The following MYO18B variants were observed in gnomAD, a reference collection of about 807,000 sequenced individuals.
MYO18B encodes unconventional myosin-XVIIIb.
MYO18B carries 204 observed loss-of-function variants against 273.0 expected under a neutral mutation model. That is an observed-to-expected ratio of 0.75 (90% CI 0.67 to 0.84). MYO18B has a LOEUF of 0.84. Among genes scored for constraint, MYO18B ranks in the 40% least tolerant of loss-of-function variants. The probability of loss-of-function intolerance (pLI) is 0.00; values close to 1 mark genes in which losing one functional copy is unlikely to be tolerated. For synonymous variants in MYO18B, 1,330 were observed against 1,305.7 expected (o/e 1.02, Z -0.40); for missense variants, 3,212 against 3,287.6 (o/e 0.98, Z 0.56).
At chr22:26,032,614 CG>C (rs1569316292), downstream of MYO18B, among the ~76,000 whole-genome samples, 11 of 151,182 alleles carry the variant, frequency 7.3e-5, no homozygotes. Flanking sequence ...CTCTGCCTCC[CG>C]GGTTCAAGCA....
chr22:25,789,170 G>A lies in MYO18B; in HGVS notation c.2376+3679G>A, dbSNP rs1340257457. 3.4e-5 allele frequency among the ~76,000 whole-genome samples: 5 copies of A among 147,796 alleles called. No individual in the cohort carries two copies. The East Asian group carries it at 1.0e-3, about 30-fold the overall frequency. Reference sequence around the variant, plus strand: ...TCCATCATCAAGGATGGCAGCATTGGGCAAGTTGGGAGGGCTTAGCCTGCT... The same window carrying A: ...TCCATCATCAAGGATGGCAGCATTGAGCAAGTTGGGAGGGCTTAGCCTGCT... On this transcript the variant is annotated intron_variant, in intron 11 of 43. Coordinates refer to ENST00000335473, the MANE Select transcript of MYO18B (RefSeq NM_032608.7).
chr22:25,931,375 G>A (rs755255937), intron 34 of MYO18B, among the ~76,000 whole-genome samples: 2 of 152,214 alleles, frequency 1.3e-5, no homozygotes, highest in Non-Finnish European at 2.9e-5. Flanking sequence ...TCATGGAGGG[G>A]CCTGTCAAGG....
intron 31 of MYO18B, among the ~76,000 whole-genome samples, chr22:25,907,906 T>C (rs1008836199): frequency 6.6e-6 from 1 of 151,934 alleles, no homozygotes; most frequent in Non-Finnish European, 1.5e-5. Flanking sequence ...TGGTGGCACA[T>C]GCCTGTAATC....
the MYO18B span, among the ~76,000 whole-genome samples, chr22:26,051,773 A>T: frequency 6.6e-6 from 1 of 152,158 alleles, no homozygotes; most frequent in South Asian, 2.1e-4. Context: ...AAAATGCACA[A>T]TTTTTTAAAG....
chr22:25,995,563 T>C (rs1313877259), intron 40 of MYO18B, among the ~76,000 whole-genome samples: 2 of 151,888 alleles, frequency 1.3e-5, no homozygotes, highest in Admixed American at 6.6e-5. Flanking sequence ...AAAAACATTA[T>C]AAAATGAAAA....
chr22:25,921,227 T>A, intron 33 of MYO18B, 30 bp from the exon 34 acceptor site: 1 of 1,536,722 alleles, frequency 6.5e-7, no homozygotes, highest in Non-Finnish European at 8.8e-7. Context: ...CTTTGCCACC[T>A]AAGCTCATGG....
intron 27 of MYO18B, among the ~76,000 whole-genome samples, chr22:25,891,939 G>A (rs2091673297): frequency 6.6e-6 from 1 of 152,118 alleles, no homozygotes; most frequent in Non-Finnish European, 1.5e-5. Flanking sequence ...GAGGTAGGAG[G>A]ATCACTTAAG....
At chr22:26,061,946 A>G in the MYO18B span, among the ~76,000 whole-genome samples, 6 of 152,208 alleles carry the variant, frequency 3.9e-5, no homozygotes, top group African/African-American at 1.4e-4. Flanking sequence ...AAACAAATTA[A>G]AAGAGGTCTC....
At chr22:25,988,236 G>C (rs1409636677) in intron 39 of MYO18B, among the ~76,000 whole-genome samples, 1 of 151,976 alleles carries the variant, frequency 6.6e-6, no homozygotes, top group African/African-American at 2.4e-5. Flanking sequence ...TTGGGGCACT[G>C]CGTTTGTTTA....
At chr22:25,889,555 CTT>C (rs11399837) in intron 25 of MYO18B, among the ~76,000 whole-genome samples, 8 of 145,846 alleles carry the variant, frequency 5.5e-5, no homozygotes, top group Admixed American at 6.8e-5. Flanking sequence ...CTACCTCTTT[CTT>C]TTTTTTTTTT....
rs766858803 is a variant in MYO18B at position 25,828,957 on chromosome 22, C to T, written c.2968C>T (p.Arg990Ter). ...GCGGACCTTTGTCTCCACGCTACAG[C>T]GATATCAAGAGGTATGCCTGGGCTG... ...YQRTFVSTLQ[R>*]YQEEGVPVQF... The change falls in exon 15 of 44, where the codon CGA becomes TGA. Residue 990 changes from arginine (R) to a stop codon, truncating the protein, a stop_gained. Transcript: ENST00000335473. LOFTEE classifies it high-confidence loss of function. 19 of 1,613,750 alleles carry T rather than the reference C, an allele frequency of 1.2e-5. No individual in the cohort carries two copies. Among genetic ancestry groups the T allele is most frequent in the South Asian group, 4.4e-5 (4 of 91,054 alleles).
chr22:25,845,256 C>T (rs754251279), intron 18 of MYO18B, among the ~76,000 whole-genome samples: 2 of 152,196 alleles, frequency 1.3e-5, no homozygotes, highest in African/African-American at 4.8e-5. Flanking sequence ...CGGTGGCTCA[C>T]GCCTGTAATC....
chr22:25,822,211 G>T (rs1163079704), intron 12 of MYO18B, among the ~76,000 whole-genome samples: 1 of 152,114 alleles, frequency 6.6e-6, no homozygotes, highest in Non-Finnish European at 1.5e-5. Context: ...CAGGGCCTTT[G>T]CACTGCCTCC....
intron 1 of MYO18B, among the ~76,000 whole-genome samples, chr22:25,751,825 A>G (rs986048200): frequency 6.6e-6 from 1 of 152,138 alleles, no homozygotes; most frequent in Non-Finnish European, 1.5e-5. Flanking sequence ...TGTTCTGTGA[A>G]TTGTCTTGTG....
the MYO18B span, among the ~76,000 whole-genome samples, chr22:26,059,403 G>A: frequency 6.6e-6 from 1 of 152,144 alleles, no homozygotes; most frequent in South Asian, 2.1e-4. Flanking sequence ...TGGGAAAAGA[G>A]GAATTATGCA....
rs1032054182 is a variant in MYO18B, at chr22:25,932,598, C to T, written c.5517+11189C>T. Among the ~76,000 whole-genome samples the T allele has an allele frequency of 9.2e-5, 14 of 151,766 alleles. No homozygotes were observed. In the East Asian group the frequency reaches 9.7e-4, roughly 10 times the overall value. Reference sequence around the variant, plus strand: ...TAATTTTTTGTATTTTTAGTAGAGACGGGATTTCTCCACGTTGGTCAGGCT... The same window carrying T: ...TAATTTTTTGTATTTTTAGTAGAGATGGGATTTCTCCACGTTGGTCAGGCT... On this transcript the variant is annotated intron_variant, in intron 34 of 43. Coordinates refer to ENST00000335473, the MANE Select transcript of MYO18B (RefSeq NM_032608.7).
At chr22:25,845,576 GA>G (rs1424233092) in intron 18 of MYO18B, among the ~76,000 whole-genome samples, 1 of 152,208 alleles carries the variant, frequency 6.6e-6, no homozygotes, top group Non-Finnish European at 1.5e-5. Context: ...ACTAACCTCA[GA>G]ATCTGTCCAT....
intron 33 of MYO18B, among the ~76,000 whole-genome samples, chr22:25,916,598 G>C (rs1284844605): frequency 6.6e-6 from 1 of 152,060 alleles, no homozygotes; most frequent in Non-Finnish European, 1.5e-5. Flanking sequence ...TTAACATTTA[G>C]GATGATTTGG....
At chr22:25,818,476 G>A (rs1336456376) in intron 12 of MYO18B, among the ~76,000 whole-genome samples, 1 of 152,174 alleles carries the variant, frequency 6.6e-6, no homozygotes. Context: ...TTTGTGCACT[G>A]CCTCAGAGGG....
Sources: allele counts gnomAD v4.1 joint callset (sites outside exome capture counted in the v4.1 genomes callset), GRCh38; gene constraint gnomAD v4.1.1; transcripts MANE v1.5; gene names NCBI Gene and HGNC (gene_info 2026-07-23, HGNC 2026-07-21).